ACSS3: variants seen among roughly 807,000 people sequenced by gnomAD.
ACSS3 encodes acyl-CoA synthetase short-chain family member 3, mitochondrial.
In ACSS3, 64 loss-of-function variants were observed where a neutral mutation model predicts 84.2. The ratio of observed to expected loss-of-function variants is 0.76; its 90% CI spans 0.62 to 0.94. The LOEUF (loss-of-function observed/expected upper bound fraction) is 0.94, where lower values mean the gene tolerates loss of function less well. ACSS3 is among the 40% of genes least tolerant of loss of function. ACSS3 has a pLI of 0.00. For synonymous variants in ACSS3, 317 were observed against 310.1 expected, an observed-to-expected ratio of 1.02 and a Z score of -0.23; for missense variants, 815 against 867.6, an observed-to-expected ratio of 0.94 and a Z score of 0.76.
At chr12:81,192,885 C>T (rs1437446232) in intron 8 of ACSS3, among the ~76,000 whole-genome samples, 1 of 152,034 alleles carries the variant, frequency 6.6e-6, no homozygotes, top group East Asian at 1.9e-4. Context: ...AGTGCTATTG[C>T]CTTTGAGTTC....
At chr12:81,086,144 A>G (rs1409949407) in intron 1 of ACSS3, among the ~76,000 whole-genome samples, 1 of 152,200 alleles carries the variant, frequency 6.6e-6, no homozygotes, top group Non-Finnish European at 1.5e-5. Context: ...ATTACATTTA[A>G]TTCTGGTTTG....
Position 81,246,549 on chromosome 12 carries a change from C to T in ACSS3, c.1720-6758C>T, listed in dbSNP as rs147516554. 2.0e-3 allele frequency among the ~76,000 whole-genome samples: 301 copies of T among 152,202 alleles called. 2 individuals are homozygous for T. The highest frequency in any genetic ancestry group is 6.8e-3 in the African/African-American group (284 of 41,514). On this transcript the variant is annotated intron_variant, in intron 13 of 15. Coordinates refer to ENST00000548058, the MANE Select transcript of ACSS3 (RefSeq NM_024560.4). ...TTCCAAATGACAGTGAACTCATCAC[C>T]AAGTTGTATTTCAAGTTCTTATGTT...
chr12:81,144,572 G>A lies in ACSS3; in HGVS notation c.921+1325G>A, dbSNP rs543052225. On this transcript the variant is annotated intron_variant, in intron 5 of 15. Transcript: ENST00000548058. The stretch of plus-strand genomic sequence containing the variant: ...ATAAAATAAGAGGGGACTCAGCAAA[G>A]TTATGATCTAATATAAAAGTATCAA... 8.0e-5 allele frequency among the ~76,000 whole-genome samples: 11 copies of A among 138,032 alleles called. No homozygotes were observed. In the South Asian group the frequency reaches 2.8e-3, roughly 35 times the overall value. The allele number at this position is 138,032 out of a possible 152,430, so 90.6% of individuals were successfully genotyped here.
chr12:81,139,100 C>G (rs774943167), intron 3 of ACSS3, 31 bp from the exon 4 acceptor site: 101 of 1,600,562 alleles, frequency 6.3e-5, no homozygotes, highest in Non-Finnish European at 8.4e-5. Context: ...ATTGTTAAAG[C>G]TTTCTCTCCA....
chr12:81,088,920 A>C (rs1041639641), intron 1 of ACSS3, among the ~76,000 whole-genome samples: 8 of 152,018 alleles, frequency 5.3e-5, no homozygotes, highest in Non-Finnish European at 1.2e-4. Context: ...CTTTGAAAAA[A>C]TAAACTTTTA....
At chr12:81,186,274 G>GA (rs762294595) in intron 8 of ACSS3, among the ~76,000 whole-genome samples, 10 of 151,780 alleles carry the variant, frequency 6.6e-5, no homozygotes, top group East Asian at 5.8e-4. Context: ...GAACATGGGG[G>GA]AAATGTTTCT....
At chr12:81,230,191 A>G (rs1371623668) in intron 11 of ACSS3, among the ~76,000 whole-genome samples, 1 of 151,846 alleles carries the variant, frequency 6.6e-6, no homozygotes, top group African/African-American at 2.4e-5. Context: ...CCTATGTTTT[A>G]CAGTATTGAA....
At chr12:81,199,215 T>TA (rs2031986828) in intron 8 of ACSS3, 126 bp from the exon 9 acceptor site, 1 of 742,168 alleles carries the variant, frequency 1.3e-6, no homozygotes. Context: ...TACAGTGTGA[T>TA]GTATTGGTTA....
intron 11 of ACSS3, among the ~76,000 whole-genome samples, chr12:81,227,052 C>T (rs2033297650): frequency 6.6e-6 from 1 of 151,042 alleles, no homozygotes; most frequent in Non-Finnish European, 1.5e-5. Context: ...AAGGAATTAG[C>T]TCATGCAGTT....
At chr12:81,104,208 T>C (rs532087205) in intron 1 of ACSS3, among the ~76,000 whole-genome samples, 83 of 152,272 alleles carry the variant, frequency 5.5e-4, no homozygotes, top group Non-Finnish European at 9.6e-4. Flanking sequence ...TTTTCTTTTT[T>C]TCTTTCTTTT....
intron 7 of ACSS3, among the ~76,000 whole-genome samples, chr12:81,170,471 C>T (rs1318389080): frequency 6.6e-6 from 1 of 152,080 alleles, no homozygotes; most frequent in Admixed American, 6.6e-5. Flanking sequence ...TAGTTTCTAA[C>T]AGCTGAAAGC....
At chr12:81,110,771 C>G (rs956648045) in intron 2 of ACSS3, among the ~76,000 whole-genome samples, 3 of 152,136 alleles carry the variant, frequency 2.0e-5, no homozygotes, top group Non-Finnish European at 4.4e-5. Context: ...AAGATTGCCA[C>G]TGGTTGAGAA....
intron 12 of ACSS3, among the ~76,000 whole-genome samples, chr12:81,231,628 C>A (rs921630164): frequency 4.0e-5 from 6 of 151,724 alleles, no homozygotes; most frequent in Admixed American, 4.0e-4. Flanking sequence ...GTTCTCTGAG[C>A]TCTTTATTTT....
intron 7 of ACSS3, among the ~76,000 whole-genome samples, chr12:81,163,138 T>C (rs1887236937): frequency 6.6e-6 from 1 of 152,198 alleles, no homozygotes; most frequent in Non-Finnish European, 1.5e-5. Context: ...TATAGAATGA[T>C]CGGTATAGAA....
At chr12:81,093,420 A>G (rs1593028405) in intron 1 of ACSS3, among the ~76,000 whole-genome samples, 1 of 150,322 alleles carries the variant, frequency 6.7e-6, no homozygotes, top group South Asian at 2.1e-4. Flanking sequence ...ACCAATGCAC[A>G]CTCCAGCCTG....
intron 2 of ACSS3, among the ~76,000 whole-genome samples, chr12:81,132,479 C>G (rs1379703002): frequency 1.3e-5 from 2 of 152,056 alleles, no homozygotes; most frequent in Non-Finnish European, 2.9e-5. Context: ...GTGATATCCC[C>G]TTTATCATTT....
At chr12:81,240,212 C>T (rs960869561) in intron 13 of ACSS3, among the ~76,000 whole-genome samples, 1 of 151,834 alleles carries the variant, frequency 6.6e-6, no homozygotes, top group African/African-American at 2.4e-5. Context: ...GTTTCTCCTC[C>T]CAATTCTATC....
At chr12:81,115,673 T>C (rs560469131) in intron 2 of ACSS3, among the ~76,000 whole-genome samples, 51 of 152,230 alleles carry the variant, frequency 3.4e-4, no homozygotes, top group African/African-American at 1.2e-3. Context: ...ATTGTTAGCA[T>C]GCCATGTTTT....
At chr12:81,133,114 C>A (rs77864496) in intron 2 of ACSS3, among the ~76,000 whole-genome samples, 6,673 of 39,160 alleles carry the variant, frequency 0.17, 369 homozygotes, top group African/African-American at 0.22. Context: ...ACACTAAAAT[C>A]GTGTTTTTTT....
Sources: allele counts gnomAD v4.1 joint callset (sites outside exome capture counted in the v4.1 genomes callset), GRCh38; gene constraint gnomAD v4.1.1; transcripts MANE v1.5; gene names NCBI Gene and HGNC (gene_info 2026-07-23, HGNC 2026-07-21).